Variants in ABHD10 observed in about 807,000 individuals in gnomAD.
ABHD10 encodes the protein palmitoyl-protein thioesterase ABHD10, mitochondrial.
Under a neutral mutation model 33.1 loss-of-function variants are expected in ABHD10, and 22 were observed. That is an observed-to-expected ratio of 0.66 (90% CI 0.47 to 0.95). The LOEUF (loss-of-function observed/expected upper bound fraction) is 0.95, where lower values mean the gene tolerates loss of function less well. Among genes scored for constraint, ABHD10 ranks in the 40% least tolerant of loss-of-function variants. ABHD10 has a pLI of 0.00. For synonymous variants in ABHD10, 146 were observed against 133.9 expected, an observed-to-expected ratio of 1.09 and a Z score of -0.62; for missense variants, 352 against 379.9, an observed-to-expected ratio of 0.93 and a Z score of 0.61.
At chr3:111,981,586 T>TG (rs2072585793) in intron 1 of ABHD10, among the ~76,000 whole-genome samples, 198 bp from the exon 2 acceptor site, 1 of 152,236 alleles carries the variant, frequency 6.6e-6, no homozygotes, top group Admixed American at 6.5e-5. Context: ...AAGTTACTGA[T>TG]GTTGGCATGA....
chr3:111,984,456 A>G (rs1367998643), intron 2 of ABHD10, among the ~76,000 whole-genome samples: 1 of 152,214 alleles, frequency 6.6e-6, no homozygotes, highest in Non-Finnish European at 1.5e-5. Flanking sequence ...AGGTAAAGGA[A>G]TCAACAGTGT....
chr3:111,987,672 G>A (rs770809938), intron 4 of ABHD10, among the ~76,000 whole-genome samples: 2 of 152,154 alleles, frequency 1.3e-5, no homozygotes, highest in Non-Finnish European at 2.9e-5. Context: ...GTATCGTTTA[G>A]GGAATACGGA....
chr3:111,990,192 A>G (rs1179441405), intron 4 of ABHD10, among the ~76,000 whole-genome samples: 2 of 152,094 alleles, frequency 1.3e-5, no homozygotes, highest in Non-Finnish European at 1.5e-5. Context: ...AAAAGTGTTC[A>G]TGACAATACC....
At chr3:111,979,352 C>T in intron 1 of ABHD10, 149 bp downstream of exon 1, 1 of 1,025,644 alleles carries the variant, frequency 9.7e-7, no homozygotes, top group Non-Finnish European at 1.4e-6. Context: ...GCTTTGTAGA[C>T]TTCTGGTGAA....
At position 111,991,708 on chromosome 3, in the gene ABHD10, C is replaced by A; in HGVS notation, c.908C>A (p.Thr303Asn). ...GATGACTTAATTGATAAGCTCTCAA[C>A]TATAGTTAACTAGTATCACATGTTT... ...TIDDLIDKLS[T>N]IVN The change falls in exon 5 of 5, where the codon ACT (threonine) becomes AAT (asparagine). Residue 303 changes from threonine (T) to asparagine (N), a missense_variant. By Grantham distance (65) the Thr-to-Asn change is moderately conservative. Coordinates refer to ENST00000273359, the MANE Select transcript of ABHD10 (RefSeq NM_018394.4). 1 of 1,610,034 alleles carries A rather than the reference C, an allele frequency of 6.2e-7. No homozygotes were observed. Among genetic ancestry groups the A allele is most frequent in the Non-Finnish European group, 8.5e-7 (1 of 1,177,504 alleles).
chr3:111,985,516 G>A (rs2072645364), intron 2 of ABHD10, among the ~76,000 whole-genome samples: 1 of 152,216 alleles, frequency 6.6e-6, no homozygotes, highest in Admixed American at 6.5e-5. Flanking sequence ...TTGTGCCCAT[G>A]TGGAACTTTC....
chr3:111,979,372 G>A (rs2107707704), intron 1 of ABHD10, among the ~76,000 whole-genome samples, 169 bp downstream of exon 1: 1 of 152,338 alleles, frequency 6.6e-6, no homozygotes, highest in Middle Eastern at 3.4e-3. Flanking sequence ...AGGCTGTGAG[G>A]AGAGCTCTGC....
At chr3:111,988,442 C>G (rs1169316516) in intron 4 of ABHD10, among the ~76,000 whole-genome samples, 7 of 152,058 alleles carry the variant, frequency 4.6e-5, no homozygotes, top group Non-Finnish European at 7.4e-5. Flanking sequence ...TTGCTCCATC[C>G]TCTTAACTCA....
At chr3:111,980,022 G>A (rs893329177) in intron 1 of ABHD10, among the ~76,000 whole-genome samples, 2 of 152,198 alleles carry the variant, frequency 1.3e-5, no homozygotes, top group Non-Finnish European at 2.9e-5. Flanking sequence ...TCATTAACCA[G>A]AGTATAATAT....
chr3:111,987,129 G>T (rs975281379), intron 4 of ABHD10, 78 bp downstream of exon 4: 4 of 1,506,208 alleles, frequency 2.7e-6, no homozygotes, highest in African/African-American at 1.4e-5. Context: ...TTTGAGGGAA[G>T]GGGGGACAGA....
At chr3:111,982,986 G>A (rs967981589) in intron 2 of ABHD10, among the ~76,000 whole-genome samples, 1 of 152,076 alleles carries the variant, frequency 6.6e-6, no homozygotes, top group Non-Finnish European at 1.5e-5. Flanking sequence ...TCTGAAGATT[G>A]GAGTACTTTT....
At chr3:111,987,169 G>A in intron 4 of ABHD10, 118 bp downstream of exon 4, 1 of 1,187,262 alleles carries the variant, frequency 8.4e-7, no homozygotes, top group Admixed American at 2.8e-5. Context: ...TTACTGTGCT[G>A]GCCCAACTTT....
chr3:111,988,324 C>G (rs1266595886), intron 4 of ABHD10, among the ~76,000 whole-genome samples: 2 of 151,810 alleles, frequency 1.3e-5, no homozygotes, highest in Non-Finnish European at 2.9e-5. Flanking sequence ...GAACTTATCT[C>G]CTGTTTCTGA....
chr3:111,979,313 C>G lies in ABHD10; in HGVS notation c.142+110C>G, dbSNP rs533581380. ...TGGCGCCCGGTTCAAAAATGCTCCT[C>G]CCCCTTTCTCAACACCCCAGTTCTA... On this transcript the variant is annotated intron_variant, in intron 1 of 4. Coordinates refer to ENST00000273359, the MANE Select transcript of ABHD10 (RefSeq NM_018394.4). 4.6e-6 allele frequency: 6 copies of G among 1,298,666 alleles called. No individual in the cohort carries two copies. The African/African-American group carries it at 9.0e-5, about 19-fold the overall frequency. 80.4% of individuals were successfully genotyped at this position (1,298,666 alleles called of 1,614,324 possible). A position where few individuals can be genotyped will look rare whatever the true frequency, so the allele number is the denominator to read the frequency against.
chr3:111,979,071 G>T lies in ABHD10; in HGVS notation c.10G>T (p.Ala4Ser), dbSNP rs1326375864. 1 of 1,613,086 alleles carries T rather than the reference G, an allele frequency of 6.2e-7. No homozygotes were observed. The highest frequency in any genetic ancestry group is 1.7e-5 in the Admixed American group (1 of 59,978). ...GGGGACAACTACGAAGATGGCGGTT[G>T]CGCGCTTGGCAGCTGTGGCGGCCTG... MAVARLAAVAAWVP... is the reference protein window; with the variant it reads MAVSRLAAVAAWVP... The change falls in exon 1 of 5, where the codon GCG becomes TCG. Residue 4 changes from alanine to serine, a missense_variant. Transcript: ENST00000273359.
Position 111,979,151 on chromosome 3 carries a change from C to A in ABHD10, c.90C>A (p.Gly30=), listed in dbSNP as rs1361135381. ...WAAVPFGPHR[G]LSVLLARIPQ... ...CCGTCCCCTTCGGTCCCCACCGTGG[C>A]CTCAGCGTGCTGCTTGCACGGATAC... is the stretch of plus-strand genomic sequence containing the variant. The change falls in exon 1 of 5, where the codon GGC becomes GGA. Residue 30 remains glycine, a synonymous_variant. Coordinates refer to ENST00000273359, the MANE Select transcript of ABHD10 (RefSeq NM_018394.4). 4.3e-6 allele frequency: 7 copies of A among 1,612,748 alleles called. No homozygotes were observed. The highest frequency in any genetic ancestry group is 5.9e-6 in the Non-Finnish European group (7 of 1,179,478).
At chr3:111,980,373 T>C (rs1249169415) in intron 1 of ABHD10, among the ~76,000 whole-genome samples, 1 of 152,212 alleles carries the variant, frequency 6.6e-6, no homozygotes, top group Non-Finnish European at 1.5e-5. Flanking sequence ...TTCAGTTACA[T>C]CTTTAAAAAA....
chr3:111,986,142 A>T, intron 2 of ABHD10, 122 bp from the exon 3 acceptor site: 1 of 570,434 alleles, frequency 1.8e-6, no homozygotes, highest in Non-Finnish European at 3.1e-6. Flanking sequence ...TTGCTAAAAT[A>T]CATATTGATT....
At chr3:111,989,297 G>A (rs1385517515) in intron 4 of ABHD10, among the ~76,000 whole-genome samples, 5 of 152,190 alleles carry the variant, frequency 3.3e-5, no homozygotes, top group South Asian at 2.1e-4. Context: ...ATGCACAGCT[G>A]TTGGGAATGT....
Sources: gnomAD v4.1 joint callset for allele counts (sites outside exome capture counted in the v4.1 genomes callset) on GRCh38, gnomAD v4.1.1 for gene constraint, MANE v1.5 for transcripts, NCBI Gene and HGNC (gene_info 2026-07-23, HGNC 2026-07-21) for gene names.